The following SAMD5 variants were observed in gnomAD, a reference collection of about 807,000 sequenced individuals.
The protein encoded by SAMD5 is sterile alpha motif domain containing 5.
Under a neutral mutation model 11.3 loss-of-function variants are expected in SAMD5, and 13 were observed. That is an observed-to-expected ratio of 1.15 (90% CI 0.75 to 1.83). SAMD5 has a LOEUF of 1.83. Among genes scored for constraint, SAMD5 ranks in the 40% most tolerant of loss-of-function variants. The pLI is 0.00. For missense variants in SAMD5, 255 were observed against 239.1 expected (o/e 1.07, Z -0.44); for synonymous variants, 129 against 111.3 (o/e 1.16, Z -1.00).
rs573683548 is a variant in SAMD5 at position 147,518,776 on chromosome 6, G to C, written c.459+9389G>C. On this transcript the variant is annotated intron_variant, in intron 1 of 1. Transcript: ENST00000367474. ...TATTACTATTAATACTACTAGTATT[G>C]AGTTGAAAGGTTTTTATCAGTGATT... Among the ~76,000 whole-genome samples, 41 of 152,286 alleles carry C rather than the reference G, an allele frequency of 2.7e-4. No individual in the cohort carries two copies. The South Asian group carries it at 7.3e-3, about 27-fold the overall frequency.
the SAMD5 span, among the ~76,000 whole-genome samples, chr6:147,802,897 C>G: frequency 7.2e-5 from 11 of 152,132 alleles, no homozygotes; most frequent in African/African-American, 2.7e-4. Flanking sequence ...CTAGGGGCAC[C>G]ATTTGACCAG....
the SAMD5 span, among the ~76,000 whole-genome samples, chr6:147,940,083 C>A: frequency 6.6e-6 from 1 of 151,998 alleles, no homozygotes; most frequent in African/African-American, 2.4e-5. Flanking sequence ...GTATGACCCA[C>A]TTTGGGAGCT....
At chr6:147,515,438 AT>A (rs1477389085) in intron 1 of SAMD5, among the ~76,000 whole-genome samples, 8 of 136,964 alleles carry the variant, frequency 5.8e-5, no homozygotes, top group African/African-American at 2.4e-4. Flanking sequence ...CCAACCATCC[AT>A]CCATCCATCC....
At chr6:147,556,298 T>C (rs1194210169) in intron 1 of SAMD5, among the ~76,000 whole-genome samples, 1 of 152,128 alleles carries the variant, frequency 6.6e-6, no homozygotes, top group East Asian at 1.9e-4. Context: ...TTCACCGTGT[T>C]AACCAGGATG....
At chr6:147,907,548 A>G in the SAMD5 span, among the ~76,000 whole-genome samples, 1 of 152,238 alleles carries the variant, frequency 6.6e-6, no homozygotes, top group Non-Finnish European at 1.5e-5. Context: ...GGTAGGTGAT[A>G]TGGAAGTTTA....
At chr6:147,834,782 C>A in the SAMD5 span, among the ~76,000 whole-genome samples, 2 of 152,278 alleles carry the variant, frequency 1.3e-5, no homozygotes, top group African/African-American at 2.4e-5. Flanking sequence ...AGGAGAGCTG[C>A]TTTTGAGACC....
the SAMD5 span, among the ~76,000 whole-genome samples, chr6:147,922,416 T>A: frequency 6.6e-6 from 1 of 152,204 alleles, no homozygotes; most frequent in African/African-American, 2.4e-5. Context: ...AAAAATACAG[T>A]TCCGGGTGTA....
intron 1 of SAMD5, among the ~76,000 whole-genome samples, chr6:147,696,023 T>A (rs1270750135): frequency 6.6e-6 from 1 of 152,138 alleles, no homozygotes; most frequent in African/African-American, 2.4e-5. Flanking sequence ...CAACCCTGGG[T>A]TTCAGATAAG....
chr6:147,552,455 C>G (rs1242054592), intron 1 of SAMD5, among the ~76,000 whole-genome samples: 1 of 152,148 alleles, frequency 6.6e-6, no homozygotes, highest in African/African-American at 2.4e-5. Context: ...TACCATTCCC[C>G]TGGGAAAGTG....
chr6:147,652,495 T>A (rs1295122291), intron 1 of SAMD5, among the ~76,000 whole-genome samples: 1 of 152,178 alleles, frequency 6.6e-6, no homozygotes, highest in Non-Finnish European at 1.5e-5. Flanking sequence ...TCAGTAGCAA[T>A]CATGGAGGAG....
At chr6:147,613,433 G>A (rs1583106545) in intron 1 of SAMD5, among the ~76,000 whole-genome samples, 1 of 151,918 alleles carries the variant, frequency 6.6e-6, no homozygotes. Flanking sequence ...AGCACTCACC[G>A]AGGCTCAGAG....
At chr6:147,846,364 A>G in the SAMD5 span, among the ~76,000 whole-genome samples, 334 of 152,284 alleles carry the variant, frequency 2.2e-3, 3 homozygotes, top group African/African-American at 7.6e-3. Flanking sequence ...ACACAATCAC[A>G]TGAGTACATG....
the SAMD5 span, among the ~76,000 whole-genome samples, chr6:147,750,209 T>C: frequency 0.42 from 64,444 of 152,116 alleles, 16,030 homozygotes; most frequent in Middle Eastern, 0.56. Context: ...AACCATCGCT[T>C]GACTCTAAGT....
the SAMD5 span, among the ~76,000 whole-genome samples, chr6:147,779,002 T>TTC: frequency 9.2e-5 from 14 of 151,404 alleles, no homozygotes; most frequent in East Asian, 3.9e-4. Context: ...TTTTTTTTTT[T>TTC]CCAAATAAAT....
the SAMD5 span, among the ~76,000 whole-genome samples, chr6:147,930,404 A>G: frequency 0.51 from 77,182 of 151,908 alleles, 21,592 homozygotes; most frequent in African/African-American, 0.76. Context: ...GCCACTCCTC[A>G]TACCGATTTT....
chr6:147,621,271 A>G (rs1789961101), intron 1 of SAMD5, among the ~76,000 whole-genome samples: 1 of 152,182 alleles, frequency 6.6e-6, no homozygotes, highest in South Asian at 2.1e-4. Flanking sequence ...TGAAACGTGA[A>G]ATAAAACAGT....
At chr6:147,536,251 G>A (rs1485956942) in intron 1 of SAMD5, among the ~76,000 whole-genome samples, 3 of 152,148 alleles carry the variant, frequency 2.0e-5, no homozygotes, top group Admixed American at 2.0e-4. Flanking sequence ...CCAAAGTGCT[G>A]GAATTACAGG....
At chr6:147,629,473 A>G (rs1191502305) in intron 1 of SAMD5, among the ~76,000 whole-genome samples, 4 of 152,218 alleles carry the variant, frequency 2.6e-5, no homozygotes. Context: ...ATTTAGATTC[A>G]TAAAACCAAT....
chr6:147,869,351 G>A, the SAMD5 span, among the ~76,000 whole-genome samples: 2 of 152,186 alleles, frequency 1.3e-5, no homozygotes, highest in African/African-American at 4.8e-5. Context: ...GGGCTTGGGA[G>A]ATGTTTTCTT....
Sources: allele counts gnomAD v4.1 joint callset (sites outside exome capture counted in the v4.1 genomes callset), GRCh38; gene constraint gnomAD v4.1.1; transcripts MANE v1.5; gene names NCBI Gene and HGNC (gene_info 2026-07-23, HGNC 2026-07-21).